Variants in CCDC73 observed in about 807,000 individuals in gnomAD.
CCDC73 encodes the protein coiled-coil domain-containing protein 73.
Under a neutral mutation model 116.5 loss-of-function variants are expected in CCDC73, and 95 were observed. The ratio of observed to expected loss-of-function variants is 0.82; its 90% CI spans 0.69 to 0.97. The LOEUF is 0.97. Ranked by LOEUF, CCDC73 falls within the 50% of genes least tolerant of loss-of-function variation. CCDC73 has a pLI of 0.00. For synonymous variants in CCDC73, 398 were observed against 401.3 expected, an observed-to-expected ratio of 0.99 and a Z score of 0.10; for missense variants, 1,066 against 1,206.8, an observed-to-expected ratio of 0.88 and a Z score of 1.73.
chr11:32,673,016 T>C (rs557306523), intron 9 of CCDC73, among the ~76,000 whole-genome samples: 1 of 152,302 alleles, frequency 6.6e-6, no homozygotes. Context: ...AACTCTGGCT[T>C]AGCATTTAGA....
the CCDC73 span, among the ~76,000 whole-genome samples, chr11:32,803,552 T>G: frequency 6.6e-6 from 1 of 152,250 alleles, no homozygotes; most frequent in African/African-American, 2.4e-5. Context: ...AATTGAATTT[T>G]TATACCTTTA....
At chr11:32,711,523 A>AAAACATATGCCAAAGTTTATGAACTT (rs141200158) in intron 3 of CCDC73, among the ~76,000 whole-genome samples, 2,062 of 152,288 alleles carry the variant, frequency 0.014, 55 homozygotes, top group African/African-American at 0.047. Context: ...TTTATGCCAA[A>AAAACATATGCCAAAGTTTATGAACTT]TATCATATGT....
At chr11:32,656,038 T>G (rs1402094928) in intron 9 of CCDC73, among the ~76,000 whole-genome samples, 1 of 152,120 alleles carries the variant, frequency 6.6e-6, no homozygotes, top group African/African-American at 2.4e-5. Context: ...CCTGGCATCT[T>G]TGCTTCTCAG....
In CCDC73 at chr11:32,675,617, CT is replaced by C; in HGVS notation, c.592del (p.Arg198AspfsTer5). 2 of 1,591,936 alleles carry C rather than the reference CT, an allele frequency of 1.3e-6. No individual in the cohort carries two copies. Among genetic ancestry groups the C allele is most frequent in the Non-Finnish European group, 1.7e-6 (2 of 1,173,360 alleles). ...TTGTTTTTTATTTAAAGCTGAAAGT[CT>C]TTTGTTTGATTGTATTGCTTCCCGT... ...NVREAIQSNK[R>X]LSALNKKQEA... On this transcript the variant is annotated frameshift_variant, in exon 9 of 18. Coordinates refer to ENST00000335185, the MANE Select transcript of CCDC73 (RefSeq NM_001008391.4). LOFTEE classifies it high-confidence loss of function.
chr11:32,689,216 A>G (rs1856232150), intron 6 of CCDC73, among the ~76,000 whole-genome samples: 1 of 152,170 alleles, frequency 6.6e-6, no homozygotes, highest in African/African-American at 2.4e-5. Flanking sequence ...TAATAATAAT[A>G]TATACTCCCT....
intron 2 of CCDC73, among the ~76,000 whole-genome samples, chr11:32,754,681 G>T (rs1660911012): frequency 6.6e-6 from 1 of 151,986 alleles, no homozygotes; most frequent in Non-Finnish European, 1.5e-5. Context: ...AGCAGCAAAA[G>T]AACTCAACAA....
intron 17 of CCDC73, among the ~76,000 whole-genome samples, chr11:32,609,781 AT>A (rs771089485): frequency 6.6e-6 from 1 of 151,530 alleles, no homozygotes; most frequent in East Asian, 1.9e-4. Context: ...GGCAAAGGCA[AT>A]TTTTTTTATT....
chr11:32,817,371 T>G, the CCDC73 span, among the ~76,000 whole-genome samples: 1 of 152,232 alleles, frequency 6.6e-6, no homozygotes, highest in Non-Finnish European at 1.5e-5. Flanking sequence ...TTACATGTGT[T>G]GCCAAATGGC....
intron 7 of CCDC73, chr11:32,682,898 T>C (rs1054452143): frequency 3.3e-5 from 5 of 153,624 alleles, no homozygotes; most frequent in African/African-American, 1.2e-4. Context: ...TGATAAGGGA[T>C]AAATATTATA....
At chr11:32,791,215 T>C (rs2133407453) in intron 1 of CCDC73, among the ~76,000 whole-genome samples, 1 of 152,310 alleles carries the variant, frequency 6.6e-6, no homozygotes, top group African/African-American at 2.4e-5. Flanking sequence ...TATTAGCAAA[T>C]AAACGAATTA....
chr11:32,757,431 T>C (rs1488848598), intron 2 of CCDC73, among the ~76,000 whole-genome samples: 2 of 152,130 alleles, frequency 1.3e-5, no homozygotes, highest in Non-Finnish European at 2.9e-5. Context: ...ATAAGACCAA[T>C]GACAGATAGA....
chr11:32,624,857 AAGG>A (rs1203743239), intron 14 of CCDC73, among the ~76,000 whole-genome samples: 3 of 152,240 alleles, frequency 2.0e-5, no homozygotes, highest in African/African-American at 7.2e-5. Flanking sequence ...AGCCATTAAA[AAGG>A]AGGAGTTCTT....
intron 2 of CCDC73, among the ~76,000 whole-genome samples, chr11:32,753,702 G>C (rs1850307973): frequency 6.6e-6 from 1 of 152,114 alleles, no homozygotes; most frequent in South Asian, 2.1e-4. Flanking sequence ...CTGACCTCAA[G>C]TGATTAGCCC....
the CCDC73 span, among the ~76,000 whole-genome samples, chr11:32,807,755 A>C: frequency 2.0e-5 from 3 of 152,218 alleles, no homozygotes; most frequent in African/African-American, 7.2e-5. Flanking sequence ...TGTAGCAAGA[A>C]AGCAACTACT....
intron 7 of CCDC73, among the ~76,000 whole-genome samples, chr11:32,679,323 AC>A (rs1856123518): frequency 2.0e-5 from 3 of 152,044 alleles, no homozygotes; most frequent in Non-Finnish European, 2.9e-5. Context: ...TTCACTGAAA[AC>A]TGGGTTAATG....
chr11:32,740,492 T>C (rs1393004793), intron 2 of CCDC73, among the ~76,000 whole-genome samples: 2 of 152,086 alleles, frequency 1.3e-5, no homozygotes, highest in African/African-American at 2.4e-5. Context: ...TAGCTGCTCA[T>C]AGCCTCTAAA....
intron 17 of CCDC73, chr11:32,605,790 C>T (rs889030226): frequency 1.5e-5 from 2 of 129,408 alleles, no homozygotes; most frequent in South Asian, 2.3e-4. Flanking sequence ...TGCAGCCTAC[C>T]GCAGTAATTT....
intron 1 of CCDC73, among the ~76,000 whole-genome samples, chr11:32,765,203 C>A (rs1850430025): frequency 6.6e-6 from 1 of 152,158 alleles, no homozygotes; most frequent in Admixed American, 6.6e-5. Flanking sequence ...TTAGACAGCT[C>A]AATGAGACAG....
At chr11:32,609,904 C>T (rs1020220152) in intron 17 of CCDC73, among the ~76,000 whole-genome samples, 6 of 151,578 alleles carry the variant, frequency 4.0e-5, no homozygotes, top group Middle Eastern at 3.5e-3. Context: ...CTCAGCCTTC[C>T]GAGTAGGTGG....
Sources: gnomAD v4.1 joint callset for allele counts (sites outside exome capture counted in the v4.1 genomes callset) on GRCh38, gnomAD v4.1.1 for gene constraint, MANE v1.5 for transcripts, NCBI Gene and HGNC (gene_info 2026-07-23, HGNC 2026-07-21) for gene names.